DNAH11: variants seen among roughly 807,000 people sequenced by gnomAD.
DNAH11 encodes dynein axonemal heavy chain 11.
A neutral mutation model predicts 526.0 loss-of-function variants in DNAH11; 442 were observed. That is an observed-to-expected ratio of 0.84 (90% CI 0.78 to 0.91). The LOEUF (loss-of-function observed/expected upper bound fraction) is 0.91. Among genes scored for constraint, DNAH11 ranks in the 40% least tolerant of loss-of-function variants. The pLI is 0.00. For synonymous variants in DNAH11, 2,461 were observed against 1,935.9 expected, an observed-to-expected ratio of 1.27 and a Z score of -7.12; for missense variants, 6,989 against 5,448.7, an observed-to-expected ratio of 1.28 and a Z score of -8.90.
At chr7:21,800,538 G>A (rs1450138207) in intron 61 of DNAH11, among the ~76,000 whole-genome samples, 6 of 152,056 alleles carry the variant, frequency 3.9e-5, no homozygotes, top group South Asian at 2.1e-4. Flanking sequence ...AGACTGAGGC[G>A]CAGGAATCAC....
At chr7:21,844,555 A>C (rs577386486) in intron 66 of DNAH11, among the ~76,000 whole-genome samples, 2 of 152,216 alleles carry the variant, frequency 1.3e-5, no homozygotes, top group Non-Finnish European at 2.9e-5. Context: ...AGCCAAAAGT[A>C]TTTATTATCT....
Position 21,564,364 on chromosome 7 carries a change from A to G in DNAH11, c.1161A>G (p.Leu387=). 6.2e-7 allele frequency: 1 copy of G among 1,613,262 alleles called. No homozygotes were observed. The highest frequency in any genetic ancestry group is 8.5e-7 in the Non-Finnish European group (1 of 1,179,658). ...FYNTPARVIV[L]LQEFCNLFIN... ...ACACCCCAGCTCGGGTTATAGTTTT[A>G]TTGCAAGAGTTTTGTAATCTCTTCA... Residue 387 remains leucine (L), a synonymous_variant, in exon 6 of 82, where the codon TTA becomes TTG. Coordinates refer to ENST00000409508, the MANE Select transcript of DNAH11 (RefSeq NM_001277115.2).
intron 40 of DNAH11, among the ~76,000 whole-genome samples, chr7:21,709,262 G>GT (rs564411593): frequency 2.0e-5 from 3 of 152,266 alleles, no homozygotes; most frequent in East Asian, 3.9e-4. Context: ...ACAACATCAT[G>GT]TTTTTTTCAG....
chr7:21,871,440 C>A (rs1006458203), intron 73 of DNAH11, among the ~76,000 whole-genome samples: 8 of 152,318 alleles, frequency 5.3e-5, no homozygotes, highest in Admixed American at 2.6e-4. Flanking sequence ...GCCTGTGCTC[C>A]ACGATGGCTT....
chr7:21,860,643 G>A (rs6461611), intron 68 of DNAH11, among the ~76,000 whole-genome samples: 125,454 of 152,034 alleles, frequency 0.83, 52,041 homozygotes, highest in African/African-American at 0.87. Context: ...CATACATGCT[G>A]CAACGTGGAT....
chr7:21,800,827 G>T (rs1330016642), intron 61 of DNAH11, among the ~76,000 whole-genome samples: 1 of 152,154 alleles, frequency 6.6e-6, no homozygotes, highest in Non-Finnish European at 1.5e-5. Context: ...GGGGATGATA[G>T]TGCACCCACG....
chr7:21,623,062 C>G (rs1786154294), intron 25 of DNAH11, among the ~76,000 whole-genome samples: 1 of 151,662 alleles, frequency 6.6e-6, no homozygotes, highest in Non-Finnish European at 1.5e-5. Context: ...TTTTCGCAAC[C>G]TACTCATCTG....
rs1274837137 is a variant in DNAH11 at position 21,792,487 on chromosome 7, C to T, written c.10026+3145C>T. Among the ~76,000 whole-genome samples the T allele has an allele frequency of 3.3e-5, 5 of 152,274 alleles. No individual in the cohort carries two copies. The East Asian group carries it at 5.8e-4, about 18-fold the overall frequency. ...TTTGAGTAGAATTGGTATTATTCAA[C>T]TGTTTGGTAGATTTCAACAGTAAAG... On this transcript the variant is annotated intron_variant, in intron 61 of 81. Coordinates refer to ENST00000409508, the MANE Select transcript of DNAH11 (RefSeq NM_001277115.2).
intron 2 of DNAH11, among the ~76,000 whole-genome samples, chr7:21,558,237 T>G (rs1378894618): frequency 6.6e-6 from 1 of 152,188 alleles, no homozygotes; most frequent in African/African-American, 2.4e-5. Context: ...ATTAATTACA[T>G]AATATATGCC....
At chr7:21,782,281 A>C (rs1787979432) in intron 57 of DNAH11, among the ~76,000 whole-genome samples, 1 of 152,190 alleles carries the variant, frequency 6.6e-6, no homozygotes, top group South Asian at 2.1e-4. Flanking sequence ...GTAGGGGGAA[A>C]GCACACTCTC....
In DNAH11 at chr7:21,699,843, T is replaced by A. The variant is rs141448206; in HGVS notation, c.6180+1630T>A. Among the ~76,000 whole-genome samples, 385 of 152,212 alleles carry A rather than the reference T, an allele frequency of 2.5e-3. 3 individuals are homozygous for A. Among genetic ancestry groups the A allele is most frequent in the African/African-American group, 8.5e-3 (355 of 41,546 alleles). ...AATGAGCATCTAGTATAACTAATAATGTGCTTTTTGCTGACCATGTTGAAT... is the reference window on the plus strand; with the variant it reads ...AATGAGCATCTAGTATAACTAATAAAGTGCTTTTTGCTGACCATGTTGAAT... On this transcript the variant is annotated intron_variant, in intron 36 of 81. Coordinates refer to ENST00000409508, the MANE Select transcript of DNAH11 (RefSeq NM_001277115.2).
chr7:21,619,192 C>G lies in DNAH11; in HGVS notation c.4347C>G (p.Asp1449Glu). The G allele has an allele frequency of 1.2e-6, 2 of 1,613,308 alleles. No individual in the cohort carries two copies. The highest frequency in any genetic ancestry group is 1.7e-6 in the Non-Finnish European group (2 of 1,179,598). Reference protein sequence around the residue: ...RVEDDVRRIVDKAVKELGTEK... With the variant: ...RVEDDVRRIVEKAVKELGTEK... The stretch of plus-strand genomic sequence containing the variant: ...AAGATGATGTCCGAAGGATTGTGGA[C>G]AAGGCGGTGAAAGAGCTGGGGACTG... Residue 1449 changes from aspartate to glutamate, a missense_variant, in exon 24 of 82, where the codon GAC becomes GAG. Asp to Glu is a conservative substitution (Grantham distance 45). Coordinates refer to ENST00000409508, the MANE Select transcript of DNAH11 (RefSeq NM_001277115.2).
At chr7:21,843,488 T>G (rs540901255) in intron 66 of DNAH11, among the ~76,000 whole-genome samples, 98 of 150,556 alleles carry the variant, frequency 6.5e-4, no homozygotes, top group Non-Finnish European at 9.6e-4. Flanking sequence ...TTTTGTTTTT[T>G]TTTTTTTTTT....
At chr7:21,675,585 C>G (rs1386114195) in intron 30 of DNAH11, among the ~76,000 whole-genome samples, 2 of 152,156 alleles carry the variant, frequency 1.3e-5, no homozygotes, top group Non-Finnish European at 2.9e-5. Flanking sequence ...AAACAAGAAC[C>G]ACATTTGTCA....
intron 54 of DNAH11, among the ~76,000 whole-genome samples, chr7:21,756,202 A>G (rs1036749722): frequency 6.6e-6 from 1 of 152,118 alleles, no homozygotes; most frequent in Non-Finnish European, 1.5e-5. Context: ...GTTCAGCCAT[A>G]CAGTTTTGTG....
intron 2 of DNAH11, among the ~76,000 whole-genome samples, chr7:21,553,068 G>T (rs1466950055): frequency 1.6e-5 from 2 of 125,630 alleles, no homozygotes; most frequent in Admixed American, 8.1e-5. Context: ...AGTATAAATG[G>T]GATTTTTTTT....
rs140538403 is a variant in DNAH11 at position 21,713,237 on chromosome 7, G to T, written c.6983+1377G>T. Reference sequence around the variant, plus strand: ...ATGCTTCTTACATCAGAAATCTTCTGTTTACCTCTCTGGACACACACTCCA... The same window carrying T: ...ATGCTTCTTACATCAGAAATCTTCTTTTTACCTCTCTGGACACACACTCCA... On this transcript the variant is annotated intron_variant, in intron 42 of 81. Transcript: ENST00000409508. 7.9e-5 allele frequency among the ~76,000 whole-genome samples: 12 copies of T among 152,254 alleles called. No homozygotes were observed. In the East Asian group the frequency reaches 1.5e-3, roughly 20 times the overall value.
intron 79 of DNAH11, among the ~76,000 whole-genome samples, chr7:21,896,448 G>A (rs1784519565): frequency 6.6e-6 from 1 of 152,036 alleles, no homozygotes; most frequent in South Asian, 2.1e-4. Context: ...GGGTGGATCT[G>A]GTCTTAAATA....
At chr7:21,745,376 G>A (rs1055218552) in intron 51 of DNAH11, among the ~76,000 whole-genome samples, 1 of 152,208 alleles carries the variant, frequency 6.6e-6, no homozygotes, top group African/African-American at 2.4e-5. Context: ...CATTGATTAA[G>A]CAGGTTTTGT....
Sources: allele counts gnomAD v4.1 joint callset (sites outside exome capture counted in the v4.1 genomes callset), GRCh38; gene constraint gnomAD v4.1.1; transcripts MANE v1.5; gene names NCBI Gene and HGNC (gene_info 2026-07-23, HGNC 2026-07-21).